YWHAE: variants seen among roughly 807,000 people sequenced by gnomAD.
The protein encoded by YWHAE is 14-3-3 protein epsilon.
YWHAE carries 4 observed loss-of-function variants against 30.1 expected under a neutral mutation model. The observed-to-expected ratio is 0.13, with a 90% CI of 0.07 to 0.30. YWHAE has a LOEUF of 0.30. Ranked by LOEUF, YWHAE falls within the 10% of genes least tolerant of loss-of-function variation. The pLI, the probability that YWHAE is intolerant of heterozygous loss-of-function variation, is 1.00. For synonymous variants in YWHAE, 118 were observed against 111.8 expected (o/e 1.06, Z -0.35); for missense variants, 121 against 315.9 (o/e 0.38, Z 4.68).
At chr17:1,373,573 CAGG>C (rs1024667461) in intron 1 of YWHAE, among the ~76,000 whole-genome samples, 4 of 151,694 alleles carry the variant, frequency 2.6e-5, no homozygotes, top group Non-Finnish European at 5.9e-5. Flanking sequence ...GAGGCTGAGG[CAGG>C]AGAATTGCGT....
At chr17:1,350,502 G>A (rs71357189) in intron 5 of YWHAE, among the ~76,000 whole-genome samples, 6,720 of 152,090 alleles carry the variant, frequency 0.044, 162 homozygotes, top group East Asian at 0.053. Context: ...GAGTGCAATG[G>A]AGTGATCTTG....
intron 4 of YWHAE, among the ~76,000 whole-genome samples, chr17:1,358,594 C>T (rs1424343702): frequency 6.6e-6 from 1 of 151,770 alleles, no homozygotes; most frequent in East Asian, 2.0e-4. Flanking sequence ...AATCCCAGCA[C>T]TTTGGGAGGG....
chr17:1,362,044 G>T, intron 2 of YWHAE, 36 bp from the exon 3 acceptor site: 1 of 1,289,958 alleles, frequency 7.8e-7, no homozygotes. Context: ...ATCAGATTAA[G>T]TCTAGAAATT....
In YWHAE at chr17:1,356,872, T is replaced by C; in HGVS notation, c.579-2525A>G. 1.3e-5 allele frequency among the ~76,000 whole-genome samples: 2 copies of C among 151,680 alleles called. 1 individual carries two copies. Among genetic ancestry groups the C allele is most frequent in the Non-Finnish European group, 2.9e-5 (2 of 67,946 alleles). On this transcript the variant is annotated intron_variant, in intron 4 of 5. Transcript: ENST00000264335. ...ATAATAGTCAACATTAAAGTTCCAA[T>C]GTATCAGTTAATCCCCTTTCCTCAA...
At chr17:1,385,238 C>T (rs1023609907) in intron 1 of YWHAE, among the ~76,000 whole-genome samples, 2 of 151,536 alleles carry the variant, frequency 1.3e-5, no homozygotes, top group Non-Finnish European at 2.9e-5. Flanking sequence ...AAAAAATCTG[C>T]AGCAATAAGA....
At chr17:1,390,476 A>C (rs2073373237) in intron 1 of YWHAE, among the ~76,000 whole-genome samples, 1 of 152,130 alleles carries the variant, frequency 6.6e-6, no homozygotes, top group Non-Finnish European at 1.5e-5. Flanking sequence ...CAATTATCTG[A>C]CCTTTCACAT....
intron 4 of YWHAE, among the ~76,000 whole-genome samples, chr17:1,358,612 G>C (rs1040853667): frequency 1.3e-5 from 2 of 151,858 alleles, no homozygotes; most frequent in Non-Finnish European, 2.9e-5. Context: ...GGGAGGCTGA[G>C]GTCAGGAGTT....
intron 1 of YWHAE, among the ~76,000 whole-genome samples, chr17:1,370,511 G>T (rs1004660062): frequency 7.3e-5 from 11 of 150,998 alleles, no homozygotes; most frequent in Non-Finnish European, 1.3e-4. Flanking sequence ...GCTCACTGCA[G>T]CCTCTGCCTC....
intron 2 of YWHAE, 181 bp downstream of exon 2, chr17:1,364,678 G>A: frequency 2.7e-6 from 2 of 741,012 alleles, no homozygotes; most frequent in South Asian, 1.9e-5. Context: ...TTGTCCTCAT[G>A]CATAGCCACG....
chr17:1,371,310 CTT>C (rs1251162210), intron 1 of YWHAE, among the ~76,000 whole-genome samples: 1 of 152,084 alleles, frequency 6.6e-6, no homozygotes, highest in Non-Finnish European at 1.5e-5. Context: ...GTCTTGAACT[CTT>C]GTGCTCATGT....
At chr17:1,392,410 T>C (rs1196935711) in intron 1 of YWHAE, among the ~76,000 whole-genome samples, 1 of 152,164 alleles carries the variant, frequency 6.6e-6, no homozygotes, top group East Asian at 1.9e-4. Context: ...AACTGTTAAC[T>C]GACCATTTCA....
intron 1 of YWHAE, among the ~76,000 whole-genome samples, chr17:1,381,097 C>T (rs961612499): frequency 3.9e-5 from 6 of 152,102 alleles, no homozygotes; most frequent in Non-Finnish European, 2.9e-5. Context: ...ATTAAATGGT[C>T]CAAGAGGCTG....
chr17:1,373,953 T>G (rs2073085203), intron 1 of YWHAE, among the ~76,000 whole-genome samples: 1 of 152,100 alleles, frequency 6.6e-6, no homozygotes, highest in Non-Finnish European at 1.5e-5. Context: ...CATAGCATGG[T>G]CTCAAGTTTC....
intron 1 of YWHAE, among the ~76,000 whole-genome samples, chr17:1,395,503 T>A (rs2073455601): frequency 1.3e-5 from 2 of 152,120 alleles, no homozygotes; most frequent in African/African-American, 4.8e-5. Flanking sequence ...CACTCCAGCC[T>A]GGGGGACAGA....
intron 5 of YWHAE, among the ~76,000 whole-genome samples, chr17:1,350,138 G>A (rs2072601333): frequency 6.6e-6 from 1 of 151,794 alleles, no homozygotes; most frequent in Non-Finnish European, 1.5e-5. Flanking sequence ...TTTTAGTAGA[G>A]ATGGGGTTTC....
intron 4 of YWHAE, among the ~76,000 whole-genome samples, chr17:1,357,927 CG>C (rs1340144132): frequency 2.0e-5 from 3 of 148,552 alleles, no homozygotes; most frequent in East Asian, 2.0e-4. Flanking sequence ...ACTCTCCTCT[CG>C]GGGGAAAAAA....
intron 1 of YWHAE, 119 bp downstream of exon 1, chr17:1,399,928 A>T: frequency 7.8e-7 from 1 of 1,285,768 alleles, no homozygotes; most frequent in Non-Finnish European, 1.1e-6. Context: ...TGCTTCCCGA[A>T]CCCAAGCCCC....
At chr17:1,395,924 G>C (rs944945851) in intron 1 of YWHAE, among the ~76,000 whole-genome samples, 3 of 152,170 alleles carry the variant, frequency 2.0e-5, no homozygotes, top group African/African-American at 7.2e-5. Flanking sequence ...TTCGAGATCA[G>C]CCTGGCCAAC....
intron 5 of YWHAE, chr17:1,348,063 G>C: frequency 1.1e-6 from 1 of 920,844 alleles, no homozygotes; most frequent in Non-Finnish European, 1.3e-6. Flanking sequence ...AACATTACAA[G>C]AAAAATAAAC....
Sources: allele counts gnomAD v4.1 joint callset (sites outside exome capture counted in the v4.1 genomes callset), GRCh38; gene constraint gnomAD v4.1.1; transcripts MANE v1.5; gene names NCBI Gene and HGNC (gene_info 2026-07-23, HGNC 2026-07-21).